Variants in ARF1 observed in about 807,000 individuals in gnomAD.
ARF1 encodes the protein ADP-ribosylation factor 1.
In ARF1, 1 loss-of-function variant was observed where a neutral mutation model predicts 18.0. That is an observed-to-expected ratio of 0.06 (90% CI 0.02 to 0.26). ARF1 has a LOEUF of 0.26. Ranked by LOEUF, ARF1 falls within the 10% of genes least tolerant of loss-of-function variation. ARF1 has a pLI of 1.00. For missense variants in ARF1, 73 were observed against 247.2 expected (o/e 0.30, Z 4.73); for synonymous variants, 112 against 96.3 (o/e 1.16, Z -0.95).
At chr1:228,085,357 G>C (rs1294929948) in intron 1 of ARF1, among the ~76,000 whole-genome samples, 3 of 152,230 alleles carry the variant, frequency 2.0e-5, no homozygotes, top group South Asian at 2.1e-4. Flanking sequence ...CTGCCGCACC[G>C]TCCAGATAGG....
Position 228,098,044 on chromosome 1 carries a change from C to G in ARF1, c.*31C>G. The G allele has an allele frequency of 6.3e-7, 1 of 1,590,762 alleles. No homozygotes were observed. The highest frequency in any genetic ancestry group is 8.6e-7 in the Non-Finnish European group (1 of 1,166,294). ...ACCCCCCTCCCTCTCACTCCTCTTG[C>G]CCTCTGCTTTACTCTCATGTGGCAA... On this transcript the variant is annotated 3_prime_UTR_variant, in exon 5 of 5. Coordinates refer to ENST00000272102, the MANE Select transcript of ARF1 (RefSeq NM_001658.4).
chr1:228,087,335 G>C (rs142007288), intron 1 of ARF1, among the ~76,000 whole-genome samples: 1 of 152,240 alleles, frequency 6.6e-6, no homozygotes, highest in Admixed American at 6.5e-5. Context: ...GATTGGGAAC[G>C]GAGGCAGTTA....
In ARF1 at chr1:228,083,049, C is replaced by T. The variant is rs567919051; in HGVS notation, c.-38+284C>T. ...CTTGTCCTCCTCTGCCTGTCCCTGCCCCCGCCCGTCGCCCGGAAGTCCGCT... is the reference window on the plus strand; with the variant it reads ...CTTGTCCTCCTCTGCCTGTCCCTGCTCCCGCCCGTCGCCCGGAAGTCCGCT... On this transcript the variant is annotated intron_variant, in intron 1 of 4. Transcript: ENST00000272102. 6 of 152,550 alleles carry T rather than the reference C, an allele frequency of 3.9e-5. No homozygotes were observed. In the East Asian group the frequency reaches 1.2e-3, roughly 29 times the overall value. The allele number at this position is 152,550 out of a possible 1,614,324, so 9.4% of individuals were successfully genotyped here. A position where few individuals can be genotyped will look rare whatever the true frequency, so the allele number is the denominator to read the frequency against.
chr1:228,086,936 T>G (rs1293515188), intron 1 of ARF1, among the ~76,000 whole-genome samples: 2 of 152,210 alleles, frequency 1.3e-5, no homozygotes, highest in Admixed American at 1.3e-4. Context: ...AGCTGGTGTC[T>G]GCTGCAGAAC....
chr1:228,096,127 G>C (rs368504416), intron 1 of ARF1, among the ~76,000 whole-genome samples: 4 of 152,326 alleles, frequency 2.6e-5, no homozygotes, highest in African/African-American at 9.6e-5. Flanking sequence ...CCTTGCCGTA[G>C]CGTGCTGGGG....
chr1:228,095,983 G>C (rs1265219256), intron 1 of ARF1, among the ~76,000 whole-genome samples: 2 of 152,254 alleles, frequency 1.3e-5, no homozygotes, highest in Non-Finnish European at 2.9e-5. Flanking sequence ...CACTGATCCA[G>C]CTTGAAGGGG....
At chr1:228,094,579 C>G (rs751644233) in intron 1 of ARF1, among the ~76,000 whole-genome samples, 29 of 151,984 alleles carry the variant, frequency 1.9e-4, no homozygotes, top group Admixed American at 6.6e-4. Flanking sequence ...ACTTCCTGCT[C>G]CAGTCTGAGG....
At chr1:228,092,200 A>G (rs1180304818) in intron 1 of ARF1, among the ~76,000 whole-genome samples, 1 of 152,232 alleles carries the variant, frequency 6.6e-6, no homozygotes, top group Non-Finnish European at 1.5e-5. Context: ...CATAGTCCCA[A>G]CTACTGTGGA....
At chr1:228,093,955 CAAAAAA>C (rs869199671) in intron 1 of ARF1, among the ~76,000 whole-genome samples, 18 of 51,154 alleles carry the variant, frequency 3.5e-4, no homozygotes, top group Admixed American at 1.2e-3. Flanking sequence ...GACTCTGTCT[CAAAAAA>C]AAAAAAAAAA....
chr1:228,096,879 C>T (rs866278971), intron 1 of ARF1, among the ~76,000 whole-genome samples, 199 bp from the exon 2 acceptor site: 6 of 152,230 alleles, frequency 3.9e-5, no homozygotes, highest in African/African-American at 1.2e-4. Flanking sequence ...AACAGTTTCT[C>T]AATTCCTGAC....
At chr1:228,084,606 A>T (rs1168925083) in intron 1 of ARF1, among the ~76,000 whole-genome samples, 1 of 152,188 alleles carries the variant, frequency 6.6e-6, no homozygotes, top group East Asian at 1.9e-4. Flanking sequence ...TACCTCTTGC[A>T]CAATATGGAG....
At chr1:228,085,172 G>A (rs1190955020) in intron 1 of ARF1, among the ~76,000 whole-genome samples, 1 of 152,260 alleles carries the variant, frequency 6.6e-6, no homozygotes, top group East Asian at 1.9e-4. Flanking sequence ...CCTCATTGGC[G>A]TGGATGGTTG....
chr1:228,094,817 G>T (rs1177405150), intron 1 of ARF1, among the ~76,000 whole-genome samples: 1 of 152,210 alleles, frequency 6.6e-6, no homozygotes, highest in African/African-American at 2.4e-5. Context: ...CGAAAGCAGT[G>T]TTTCAGAGTC....
intron 1 of ARF1, among the ~76,000 whole-genome samples, chr1:228,093,186 G>A (rs760333148): frequency 6.6e-6 from 1 of 152,082 alleles, no homozygotes; most frequent in South Asian, 2.1e-4. Context: ...GGATAATTCC[G>A]ATGAACCTGA....
At chr1:228,095,189 TCTCCTGTCTTGGTTGC>T (rs1452745545) in intron 1 of ARF1, among the ~76,000 whole-genome samples, 2 of 151,868 alleles carry the variant, frequency 1.3e-5, no homozygotes, top group Non-Finnish European at 2.9e-5. Context: ...CTGTCTTCAG[TCTCCTGTCTTGGTTGC>T]CTCCTTGCAG....
intron 1 of ARF1, among the ~76,000 whole-genome samples, chr1:228,095,615 G>A (rs1402883542): frequency 6.6e-6 from 1 of 152,246 alleles, no homozygotes; most frequent in Non-Finnish European, 1.5e-5. Context: ...GCCCAGGGTA[G>A]CCAAGATTGG....
In ARF1 at chr1:228,097,087, G is replaced by C; in HGVS notation, c.-28G>C. Reference sequence around the variant, plus strand: ...CACCTTGTCTCTCCAGGTGTCCCTGGCCAGTGTCCTTCCACCTGTCCACAA... The same window carrying C: ...CACCTTGTCTCTCCAGGTGTCCCTGCCCAGTGTCCTTCCACCTGTCCACAA... On this transcript the variant is annotated 5_prime_UTR_variant, in exon 2 of 5. Transcript: ENST00000272102. The surrounding 1 kb of genome is among the most constrained non-coding windows in gnomAD (Gnocchi z 8.1). 1 of 1,574,552 alleles carries C rather than the reference G, an allele frequency of 6.4e-7. No homozygotes were observed. The highest frequency in any genetic ancestry group is 2.2e-5 in the East Asian group (1 of 44,628).
In ARF1 at chr1:228,098,117, T is replaced by TCACCGTGTGCATCG. The variant is rs1239592326; in HGVS notation, c.*112_*125dup. 2 of 1,416,872 alleles carry TCACCGTGTGCATCG rather than the reference T, an allele frequency of 1.4e-6. No individual in the cohort carries two copies. Among genetic ancestry groups the TCACCGTGTGCATCG allele is most frequent in the Non-Finnish European group, 1.9e-6 (2 of 1,045,126 alleles). The allele number at this position is 1,416,872 out of a possible 1,614,324, so 87.8% of individuals were successfully genotyped here. A position where few individuals can be genotyped will look rare whatever the true frequency, so the allele number is the denominator to read the frequency against. On this transcript the variant is annotated 3_prime_UTR_variant, in exon 5 of 5. Coordinates refer to ENST00000272102, the MANE Select transcript of ARF1 (RefSeq NM_001658.4). ...GCCAGAAGCTGCCTCCGTGGTTTGG[T>TCACCGTGTGCATCG]CACCGTGTGCATCGCACCGTGCTGT...
At chr1:228,088,501 C>T (rs1455039478) in intron 1 of ARF1, among the ~76,000 whole-genome samples, 1 of 152,130 alleles carries the variant, frequency 6.6e-6, no homozygotes, top group Non-Finnish European at 1.5e-5. Context: ...CGTCTGATGT[C>T]CCAGACCTGT....
Sources: gnomAD v4.1 joint callset for allele counts (sites outside exome capture counted in the v4.1 genomes callset) on GRCh38, gnomAD v4.1.1 for gene constraint, Gnocchi (gnomAD v3.1) non-coding constraint, MANE v1.5 for transcripts, NCBI Gene and HGNC (gene_info 2026-07-23, HGNC 2026-07-21) for gene names.